The following WARS1 variants were observed in gnomAD, a reference collection of about 807,000 sequenced individuals.
WARS1 encodes tryptophanyl-tRNA synthetase 1.
In WARS1, 17 loss-of-function variants were observed where a neutral mutation model predicts 47.8. The observed-to-expected ratio is 0.36, with a 90% confidence interval of 0.24 to 0.53. The LOEUF is 0.53. Ranked by LOEUF, WARS1 falls within the 20% of genes least tolerant of loss-of-function variation. The probability of loss-of-function intolerance (pLI) is 0.91; values close to 1 mark genes in which losing one functional copy is unlikely to be tolerated. For missense variants in WARS1, 434 were observed against 608.0 expected (o/e 0.71, Z 3.01); for synonymous variants, 208 against 228.1 (o/e 0.91, Z 0.79).
rs775543259 is a variant in WARS1, at chr14:100,334,297, T to C, written c.*578A>G. The C allele has an allele frequency of 2.6e-5, 4 of 152,598 alleles. No individual in the cohort carries two copies. The highest frequency in any genetic ancestry group is 6.5e-5 in the Admixed American group (1 of 15,286). 9.5% of individuals were successfully genotyped at this position (152,598 alleles called of 1,614,324 possible). ...ATTGCTGAACTCTGTTCAATCTTCA[T>C]TGTTAAAAGCAGCTTTAAAGCTGGG... On this transcript the variant is annotated 3_prime_UTR_variant, in exon 11 of 11. Transcript: ENST00000392882.
intron 9 of WARS1, chr14:100,340,029 AACCCAATG>A (rs1193974221): frequency 6.6e-6 from 1 of 152,216 alleles, no homozygotes; most frequent in Non-Finnish European, 1.5e-5. Flanking sequence ...TATCCCCAAC[AACCCAATG>A]ACCTCTGTAG....
chr14:100,343,239 CCA>C lies in WARS1; in HGVS notation c.939+34_939+35del, dbSNP rs745989340. On this transcript the variant is annotated intron_variant, in intron 8 of 10. Coordinates refer to ENST00000392882, the MANE Select transcript of WARS1 (RefSeq NM_004184.4). ...GTAAGAGGAACCTGCTGTCAATGCC[CCA>C]GACTTAGAGAGCCTTGCTTTTCTGC... The C allele has an allele frequency of 1.9e-6, 3 of 1,558,766 alleles. No homozygotes were observed. In the East Asian group the frequency reaches 6.9e-5, roughly 36 times the overall value.
chr14:100,335,334 AAAC>A (rs1048654397), intron 10 of WARS1, among the ~76,000 whole-genome samples: 9 of 152,260 alleles, frequency 5.9e-5, no homozygotes, highest in East Asian at 3.9e-4. Context: ...CCCAGGCACT[AAAC>A]AACAACAATT....
At chr14:100,368,974 A>C in intron 2 of WARS1, 113 bp downstream of exon 2, 1 of 707,442 alleles carries the variant, frequency 1.4e-6, no homozygotes, top group South Asian at 4.0e-5. Context: ...AAAATAAAAA[A>C]TTATAACCAA....
At chr14:100,355,812 C>T (rs79024912) in intron 4 of WARS1, among the ~76,000 whole-genome samples, 4,013 of 152,222 alleles carry the variant, frequency 0.026, 130 homozygotes, top group African/African-American at 0.077. Context: ...CCATGAAATG[C>T]TCACATACTG....
chr14:100,357,096 T>A (rs1895369482), intron 4 of WARS1, among the ~76,000 whole-genome samples: 1 of 152,180 alleles, frequency 6.6e-6, no homozygotes, highest in African/African-American at 2.4e-5. Flanking sequence ...ATGCATTTGA[T>A]AAAATCTAAC....
intron 2 of WARS1, chr14:100,365,989 G>A (rs1182344118): frequency 8.8e-6 from 4 of 455,766 alleles, no homozygotes; most frequent in Admixed American, 4.7e-5. Flanking sequence ...ATGAAAACAG[G>A]AGCGCTGGTT....
intron 2 of WARS1, among the ~76,000 whole-genome samples, chr14:100,367,627 AAAAAG>A (rs1487033278): frequency 1.3e-5 from 2 of 151,436 alleles, no homozygotes; most frequent in Non-Finnish European, 2.9e-5. Flanking sequence ...AAAAAAAAAA[AAAAAG>A]AAAGGCATAC....
intron 6 of WARS1, among the ~76,000 whole-genome samples, 200 bp from the exon 7 acceptor site, chr14:100,347,046 C>T (rs902041601): frequency 4.6e-5 from 7 of 152,210 alleles, no homozygotes; most frequent in East Asian, 3.8e-4. Context: ...AGCAGACACA[C>T]GTTTACCTGT....
chr14:100,360,804 AC>A (rs769049066), intron 3 of WARS1, 142 bp from the exon 4 acceptor site: 1 of 514,338 alleles, frequency 1.9e-6, no homozygotes, highest in African/African-American at 1.9e-5. Flanking sequence ...AAAGGTCCTT[AC>A]CCCCAACATG....
intron 4 of WARS1, among the ~76,000 whole-genome samples, chr14:100,356,926 C>T (rs572249671): frequency 6.6e-6 from 1 of 152,256 alleles, no homozygotes; most frequent in South Asian, 2.1e-4. Flanking sequence ...AAAGATTATA[C>T]ACTATGATTG....
chr14:100,334,038 T>A lies in WARS1; in HGVS notation c.*837A>T, dbSNP rs1162445954. ...GCCAGGGCACTGCTCTGTGCTGACT[T>A]CCACTGCAGCCAAGGGTCAAAATGA... On this transcript the variant is annotated 3_prime_UTR_variant, in exon 11 of 11. Coordinates refer to ENST00000392882, the MANE Select transcript of WARS1 (RefSeq NM_004184.4). 2 of 152,668 alleles carry A rather than the reference T, an allele frequency of 1.3e-5. No homozygotes were observed. The highest frequency in any genetic ancestry group is 4.8e-5 in the African/African-American group (2 of 41,436). The allele number at this position is 152,668 out of a possible 1,614,324, so 9.5% of individuals were successfully genotyped here.
intron 7 of WARS1, among the ~76,000 whole-genome samples, chr14:100,344,089 G>A (rs4905953): frequency 0.68 from 103,377 of 151,222 alleles, 36,463 homozygotes; most frequent in Admixed American, 0.81. Flanking sequence ...CTCTCCCCAC[G>A]GTCTCCCTCT....
At chr14:100,361,578 A>C (rs1232954371) in intron 3 of WARS1, 130 bp downstream of exon 3, 5 of 888,452 alleles carry the variant, frequency 5.6e-6, no homozygotes, top group Non-Finnish European at 8.5e-6. Flanking sequence ...TTTAGTATCC[A>C]TTTTTTCTTG....
intron 9 of WARS1, among the ~76,000 whole-genome samples, chr14:100,338,167 T>G (rs1893879226): frequency 6.6e-6 from 1 of 152,154 alleles, no homozygotes; most frequent in Admixed American, 6.5e-5. Context: ...TTTTAGGAAT[T>G]GTTAAAGATA....
At chr14:100,340,799 G>A (rs4905952) in intron 9 of WARS1, among the ~76,000 whole-genome samples, 104,080 of 152,060 alleles carry the variant, frequency 0.68, 36,819 homozygotes, top group Admixed American at 0.81. Flanking sequence ...CCCAGTGACC[G>A]TCTGTAGGCC....
chr14:100,345,363 C>T (rs1401303042), intron 7 of WARS1, among the ~76,000 whole-genome samples: 1 of 152,176 alleles, frequency 6.6e-6, no homozygotes, highest in African/African-American at 2.4e-5. Flanking sequence ...TGACCTTACC[C>T]CCAACCCTGT....
intron 7 of WARS1, 79 bp from the exon 8 acceptor site, chr14:100,343,466 G>A: frequency 3.0e-6 from 3 of 1,010,612 alleles, no homozygotes; most frequent in Non-Finnish European, 2.8e-6. Context: ...AACAAAAACA[G>A]GTTTTCTCCC....
intron 8 of WARS1, among the ~76,000 whole-genome samples, chr14:100,342,977 T>C (rs1241437859): frequency 6.6e-6 from 1 of 152,086 alleles, no homozygotes; most frequent in Admixed American, 6.5e-5. Context: ...CGCTGCAACC[T>C]CTGCCTCTGG....
Sources: allele counts gnomAD v4.1 joint callset (sites outside exome capture counted in the v4.1 genomes callset), GRCh38; gene constraint gnomAD v4.1.1; transcripts MANE v1.5; gene names NCBI Gene and HGNC (gene_info 2026-07-23, HGNC 2026-07-21).